TMEM170B: variants seen among roughly 807,000 people sequenced by gnomAD.
The protein encoded by TMEM170B is transmembrane protein 170B.
In TMEM170B, 6 loss-of-function variants were observed where a neutral mutation model predicts 13.0. The ratio of observed to expected loss-of-function variants is 0.46; its 90% CI spans 0.25 to 0.91. The LOEUF (loss-of-function observed/expected upper bound fraction) is 0.91, where lower values mean the gene tolerates loss of function less well. TMEM170B is among the 40% of genes least tolerant of loss of function. The probability of loss-of-function intolerance (pLI) is 0.17; values close to 1 mark genes in which losing one functional copy is unlikely to be tolerated. For missense variants in TMEM170B, 138 were observed against 165.2 expected (o/e 0.84, Z 0.90); for synonymous variants, 61 against 64.9 (o/e 0.94, Z 0.29).
At position 11,579,849 on chromosome 6, in the gene TMEM170B, ATAAC is replaced by A. The variant is rs1023419207; in HGVS notation, c.*4289_*4292del. The A allele has an allele frequency of 3.9e-5, 6 of 152,180 alleles. No homozygotes were observed. Among genetic ancestry groups the A allele is most frequent in the African/African-American group, 1.4e-4 (6 of 41,430 alleles). 9.4% of individuals were successfully genotyped at this position (152,180 alleles called of 1,614,324 possible). Reference sequence around the variant, plus strand: ...TCTTCTTGAAAAGTAAGAGCGATATATAACCCTTCAGTCTTCTATATGTCTGTTT... The same window carrying A: ...TCTTCTTGAAAAGTAAGAGCGATATACCTTCAGTCTTCTATATGTCTGTTT... On this transcript the variant is annotated 3_prime_UTR_variant, in exon 3 of 3. Transcript: ENST00000379426.
intron 1 of TMEM170B, among the ~76,000 whole-genome samples, chr6:11,559,671 C>A (rs1337785537): frequency 6.6e-6 from 1 of 152,002 alleles, no homozygotes; most frequent in Non-Finnish European, 1.5e-5. Flanking sequence ...GGGACATGTC[C>A]CCAAATTCAG....
At chr6:11,558,846 C>A (rs1444211993) in intron 1 of TMEM170B, among the ~76,000 whole-genome samples, 1 of 152,182 alleles carries the variant, frequency 6.6e-6, no homozygotes, top group Non-Finnish European at 1.5e-5. Context: ...AAAGTGCCAA[C>A]TCTTGATAAT....
chr6:11,566,045 T>G (rs576190812), intron 2 of TMEM170B, among the ~76,000 whole-genome samples: 1 of 152,314 alleles, frequency 6.6e-6, no homozygotes, highest in African/African-American at 2.4e-5. Context: ...AAGAGTCCTT[T>G]TACAAGGTTT....
intron 1 of TMEM170B, among the ~76,000 whole-genome samples, chr6:11,555,728 CTCTG>C (rs1315967870): frequency 5.3e-5 from 8 of 152,156 alleles, no homozygotes; most frequent in African/African-American, 1.2e-4. Flanking sequence ...ATTATAAAGT[CTCTG>C]TCTGGTTATT....
intron 1 of TMEM170B, among the ~76,000 whole-genome samples, chr6:11,560,157 T>TTTTTTTA (rs924423415): frequency 1.3e-5 from 2 of 151,618 alleles, no homozygotes; most frequent in Non-Finnish European, 2.9e-5. Flanking sequence ...TTTATTTTTA[T>TTTTTTTA]TTTTTTATTT....
chr6:11,566,054 T>C (rs1164350145), intron 2 of TMEM170B, among the ~76,000 whole-genome samples: 1 of 152,156 alleles, frequency 6.6e-6, no homozygotes, highest in Non-Finnish European at 1.5e-5. Context: ...TTTACAAGGT[T>C]TTGAGGGAAA....
At chr6:11,552,011 G>A (rs1189434568) in intron 1 of TMEM170B, among the ~76,000 whole-genome samples, 1 of 152,086 alleles carries the variant, frequency 6.6e-6, no homozygotes, top group African/African-American at 2.4e-5. Flanking sequence ...TGGTTTCCAG[G>A]CCTGCGTATC....
chr6:11,565,541 G>T, intron 1 of TMEM170B, 125 bp from the exon 2 acceptor site: 1 of 923,694 alleles, frequency 1.1e-6, no homozygotes, highest in Non-Finnish European at 1.7e-6. Flanking sequence ...GTCAGGCACT[G>T]TGTGAAGCAT....
chr6:11,577,553 A>G lies in TMEM170B; in HGVS notation c.*1992A>G, dbSNP rs1421281379. 6.6e-6 allele frequency: 1 copy of G among 152,144 alleles called. No homozygotes were observed. The highest frequency in any genetic ancestry group is 1.5e-5 in the Non-Finnish European group (1 of 67,968). The allele number at this position is 152,144 out of a possible 1,614,324, so 9.4% of individuals were successfully genotyped here. A position where few individuals can be genotyped will look rare whatever the true frequency, so the allele number is the denominator to read the frequency against. On this transcript the variant is annotated 3_prime_UTR_variant, in exon 3 of 3. Transcript: ENST00000379426. ...CATGTGGAAATTGTTTCAGATCTCC[A>G]GAATGAATACTTATTTTAACATATG...
intron 2 of TMEM170B, among the ~76,000 whole-genome samples, chr6:11,570,270 T>G (rs753481251): frequency 8.5e-5 from 13 of 152,176 alleles, no homozygotes; most frequent in Non-Finnish European, 1.6e-4. Context: ...CTATTGTGCA[T>G]GGATATCTTT....
At chr6:11,563,683 G>A (rs1759699542) in intron 1 of TMEM170B, among the ~76,000 whole-genome samples, 2 of 152,190 alleles carry the variant, frequency 1.3e-5, no homozygotes, top group African/African-American at 4.8e-5. Flanking sequence ...TACAACTTGA[G>A]GCCAGGTGTG....
rs1005242946 is a variant in TMEM170B, at chr6:11,577,280, A to G, written c.*1719A>G. 6.6e-6 allele frequency: 1 copy of G among 152,130 alleles called. No homozygotes were observed. The allele number at this position is 152,130 out of a possible 1,614,324, so 9.4% of individuals were successfully genotyped here. ...CTTGGAAATTTGTTTTAAAAAAATA[A>G]TAAGCAACTATGCATGGATCTTTGA... On this transcript the variant is annotated 3_prime_UTR_variant, in exon 3 of 3. Coordinates refer to ENST00000379426, the MANE Select transcript of TMEM170B (RefSeq NM_001100829.3).
chr6:11,568,955 G>C (rs1427468710), intron 2 of TMEM170B, among the ~76,000 whole-genome samples: 1 of 152,090 alleles, frequency 6.6e-6, no homozygotes, highest in African/African-American at 2.4e-5. Context: ...GGAGAAACTG[G>C]TTTCTATATA....
At chr6:11,556,934 G>T (rs888842222) in intron 1 of TMEM170B, among the ~76,000 whole-genome samples, 9 of 152,174 alleles carry the variant, frequency 5.9e-5, no homozygotes, top group Non-Finnish European at 1.5e-5. Flanking sequence ...ACCAGTGGTG[G>T]CTCTCTCCAG....
intron 1 of TMEM170B, among the ~76,000 whole-genome samples, chr6:11,558,133 T>C (rs964922155): frequency 2.0e-5 from 3 of 152,218 alleles, no homozygotes; most frequent in African/African-American, 7.2e-5. Flanking sequence ...ATTCCCACTT[T>C]TCCATATCTA....
At chr6:11,568,030 CA>C (rs1561688347) in intron 2 of TMEM170B, among the ~76,000 whole-genome samples, 1 of 151,798 alleles carries the variant, frequency 6.6e-6, no homozygotes, top group African/African-American at 2.4e-5. Flanking sequence ...GCTCGATCCC[CA>C]AAAATAAAAC....
chr6:11,565,756 G>A lies in TMEM170B; in HGVS notation c.188G>A (p.Arg63Lys), dbSNP rs1465534575. ...AGVLMFVMLQ[R>K]HRQGRVISVI... ...GTGTTGATGTTTGTGATGCTGCAGAGGCATAGGCAGGGAAGAGTCATCTCT... is the reference window on the plus strand; with the variant it reads ...GTGTTGATGTTTGTGATGCTGCAGAAGCATAGGCAGGGAAGAGTCATCTCT... Residue 63 changes from arginine (R) to lysine (K), a missense_variant, in exon 2 of 3, where the codon AGG becomes AAG. Coordinates refer to ENST00000379426, the MANE Select transcript of TMEM170B (RefSeq NM_001100829.3). 1 of 1,614,178 alleles carries A rather than the reference G, an allele frequency of 6.2e-7. No homozygotes were observed. Among genetic ancestry groups the A allele is most frequent in the East Asian group, 2.2e-5 (1 of 44,882 alleles).
chr6:11,557,378 ACAAAC>A (rs1759605180), intron 1 of TMEM170B, among the ~76,000 whole-genome samples: 1 of 152,234 alleles, frequency 6.6e-6, no homozygotes, highest in Non-Finnish European at 1.5e-5. Context: ...TGGGGACACT[ACAAAC>A]CTGAAATGAA....
At chr6:11,543,343 G>A (rs1218427070) in intron 1 of TMEM170B, among the ~76,000 whole-genome samples, 2 of 152,150 alleles carry the variant, frequency 1.3e-5, no homozygotes, top group Non-Finnish European at 2.9e-5. Flanking sequence ...ATCTCTTGGA[G>A]TGAATATGCT....
Sources: allele counts gnomAD v4.1 joint callset (sites outside exome capture counted in the v4.1 genomes callset), GRCh38; gene constraint gnomAD v4.1.1; transcripts MANE v1.5; gene names NCBI Gene and HGNC (gene_info 2026-07-23, HGNC 2026-07-21).